Variants in GALNT13 observed in about 807,000 individuals in gnomAD.
The protein encoded by GALNT13 is UDP-GalNAc:polypeptide N-acetylgalactosaminyltransferase 13.
Under a neutral mutation model 64.2 loss-of-function variants are expected in GALNT13, and 28 were observed. That is an observed-to-expected ratio of 0.44 (90% CI 0.32 to 0.60). The LOEUF is 0.60. Among genes scored for constraint, GALNT13 ranks in the 20% least tolerant of loss-of-function variants. GALNT13 has a pLI of 0.05. For synonymous variants in GALNT13, 214 were observed against 224.6 expected, an observed-to-expected ratio of 0.95 and a Z score of 0.42; for missense variants, 577 against 669.8, an observed-to-expected ratio of 0.86 and a Z score of 1.53.
chr2:153,554,154 A>C, the GALNT13 span, among the ~76,000 whole-genome samples: 27 of 142,774 alleles, frequency 1.9e-4, no homozygotes, highest in African/African-American at 6.2e-4. Context: ...GTCTCTACTA[A>C]AAATACAAAA....
At chr2:154,438,479 C>A (rs1701108087) in intron 11 of GALNT13, 113 bp from the exon 12 acceptor site, 1 of 664,546 alleles carries the variant, frequency 1.5e-6, no homozygotes, top group Non-Finnish European at 2.5e-6. Flanking sequence ...AACATACCAG[C>A]AATCGTTTGA....
At chr2:153,399,905 A>G in the GALNT13 span, among the ~76,000 whole-genome samples, 4 of 151,734 alleles carry the variant, frequency 2.6e-5, no homozygotes, top group African/African-American at 7.2e-5. Context: ...TCCTAATTGA[A>G]TACCCTTTAT....
intron 4 of GALNT13, among the ~76,000 whole-genome samples, chr2:154,193,403 A>C (rs1341437441): frequency 1.3e-5 from 2 of 152,216 alleles, no homozygotes. Context: ...GAATTAGGTC[A>C]TCTCTCCTTG....
chr2:153,147,456 A>C, the GALNT13 span, among the ~76,000 whole-genome samples: 1 of 151,488 alleles, frequency 6.6e-6, no homozygotes, highest in African/African-American at 2.4e-5. Context: ...GCTCTAAAGG[A>C]GGCAAACAGT....
chr2:153,192,802 A>T, the GALNT13 span, among the ~76,000 whole-genome samples: 2 of 152,024 alleles, frequency 1.3e-5, no homozygotes, highest in Admixed American at 1.3e-4. Flanking sequence ...TATTTAATGT[A>T]AGTATAGCTA....
intron 4 of GALNT13, among the ~76,000 whole-genome samples, chr2:154,141,716 A>G (rs964341336): frequency 2.0e-5 from 3 of 152,198 alleles, no homozygotes; most frequent in African/African-American, 7.2e-5. Flanking sequence ...CCAGCACAAA[A>G]ATAGCTCATT....
At chr2:153,920,136 A>G (rs999948669) in intron 2 of GALNT13, among the ~76,000 whole-genome samples, 2 of 151,628 alleles carry the variant, frequency 1.3e-5, no homozygotes, top group African/African-American at 4.8e-5. Context: ...TTTTGCTATT[A>G]GTAGGCCTCT....
At chr2:153,229,734 C>G in the GALNT13 span, among the ~76,000 whole-genome samples, 1 of 152,164 alleles carries the variant, frequency 6.6e-6, no homozygotes, top group African/African-American at 2.4e-5. Context: ...TTTCTATATT[C>G]ACAGAAAGCA....
At chr2:153,945,869 T>C (rs755483929) in intron 3 of GALNT13, among the ~76,000 whole-genome samples, 11 of 152,304 alleles carry the variant, frequency 7.2e-5, no homozygotes, top group African/African-American at 2.6e-4. Context: ...CTTCCTTGTC[T>C]TTTAAAATGG....
At chr2:153,623,009 G>A in the GALNT13 span, among the ~76,000 whole-genome samples, 1 of 152,038 alleles carries the variant, frequency 6.6e-6, no homozygotes, top group Admixed American at 6.6e-5. Flanking sequence ...ACATTTTCTA[G>A]TTTTTATGCT....
the GALNT13 span, among the ~76,000 whole-genome samples, chr2:153,316,928 G>T: frequency 6.6e-6 from 1 of 152,080 alleles, no homozygotes; most frequent in Admixed American, 6.6e-5. Context: ...ATGGGTGAGT[G>T]CAATTTGTCA....
At chr2:154,267,740 T>C (rs1469753154) in intron 8 of GALNT13, among the ~76,000 whole-genome samples, 1 of 152,110 alleles carries the variant, frequency 6.6e-6, no homozygotes, top group South Asian at 2.1e-4. Context: ...TAGCAAATTA[T>C]ATATCTGATA....
chr2:153,642,185 G>C, the GALNT13 span, among the ~76,000 whole-genome samples: 593 of 151,786 alleles, frequency 3.9e-3, 5 homozygotes, highest in African/African-American at 0.014. Context: ...TCTTTACTAT[G>C]TTAGTCTATT....
At chr2:154,097,210 G>T (rs902464247) in intron 3 of GALNT13, among the ~76,000 whole-genome samples, 5 of 151,918 alleles carry the variant, frequency 3.3e-5, no homozygotes, top group Admixed American at 2.6e-4. Flanking sequence ...ATTAGCCTAG[G>T]TTTTAATGGA....
the GALNT13 span, among the ~76,000 whole-genome samples, chr2:153,197,120 A>C: frequency 6.6e-6 from 1 of 152,334 alleles, no homozygotes; most frequent in East Asian, 1.9e-4. Flanking sequence ...TCAGGTCCCC[A>C]GAAGGAATGT....
the GALNT13 span, among the ~76,000 whole-genome samples, chr2:153,501,950 C>A: frequency 6.6e-6 from 1 of 151,986 alleles, no homozygotes; most frequent in South Asian, 2.1e-4. Flanking sequence ...TTTGAACTCA[C>A]GGAGGGGCAG....
intron 5 of GALNT13, 81 bp downstream of exon 5, chr2:154,242,277 G>T: frequency 8.3e-7 from 1 of 1,202,116 alleles, no homozygotes; most frequent in South Asian, 1.5e-5. Context: ...GCTTTATTAT[G>T]GCCAAAAAGA....
the GALNT13 span, among the ~76,000 whole-genome samples, chr2:153,143,288 C>T: frequency 1.1e-4 from 17 of 151,948 alleles, no homozygotes; most frequent in Non-Finnish European, 7.4e-5. Context: ...AATTGGGAAA[C>T]TTTTTTTAAA....
intron 12 of GALNT13, chr2:154,445,723 A>G: frequency 1.2e-6 from 1 of 869,292 alleles, no homozygotes; most frequent in South Asian, 1.5e-5. Flanking sequence ...GTGTTCATTA[A>G]GCTGCCTGAG....
Sources: allele counts gnomAD v4.1 joint callset (sites outside exome capture counted in the v4.1 genomes callset), GRCh38; gene constraint gnomAD v4.1.1; transcripts MANE v1.5; gene names NCBI Gene and HGNC (gene_info 2026-07-23, HGNC 2026-07-21).